ELOVL7: variants seen among roughly 807,000 people sequenced by gnomAD.
ELOVL7 encodes the protein ELOVL fatty acid elongase 7.
A neutral mutation model predicts 35.7 loss-of-function variants in ELOVL7; 27 were observed. That is an observed-to-expected ratio of 0.76 (90% CI 0.56 to 1.04). ELOVL7 has a LOEUF of 1.04. ELOVL7 is among the 50% of genes least tolerant of loss of function. The probability of loss-of-function intolerance (pLI) is 0.00; values close to 1 mark genes in which losing one functional copy is unlikely to be tolerated. For missense variants in ELOVL7, 327 were observed against 340.8 expected (o/e 0.96, Z 0.32); for synonymous variants, 113 against 114.6 (o/e 0.99, Z 0.09).
intron 1 of ELOVL7, among the ~76,000 whole-genome samples, chr5:60,841,187 A>G (rs998501680): frequency 6.6e-6 from 1 of 152,090 alleles, no homozygotes. Flanking sequence ...CAACACACCC[A>G]GCTAACTTTT....
intron 1 of ELOVL7, chr5:60,843,442 G>C (rs1335274989): frequency 6.6e-6 from 1 of 152,160 alleles, no homozygotes; most frequent in African/African-American, 2.4e-5. Context: ...AAAACAACAG[G>C]CTTTCCTGTT....
intron 3 of ELOVL7, among the ~76,000 whole-genome samples, chr5:60,775,012 C>T (rs1273234466): frequency 2.0e-5 from 3 of 152,128 alleles, no homozygotes; most frequent in South Asian, 2.1e-4. Flanking sequence ...GATCTGCCCA[C>T]GTTGGCCTCC....
rs1248509555 is a variant in ELOVL7, at chr5:60,753,168, T to C, written c.*1456A>G. On this transcript the variant is annotated 3_prime_UTR_variant, in exon 9 of 9. Coordinates refer to ENST00000508821, the MANE Select transcript of ELOVL7 (RefSeq NM_024930.3). Reference sequence around the variant, plus strand: ...GGCTTTAAGTACTAATTGTTTAAAGTCCTACAAACATAAACAGTGCTTCAA... The same window carrying C: ...GGCTTTAAGTACTAATTGTTTAAAGCCCTACAAACATAAACAGTGCTTCAA... The C allele has an allele frequency of 1.3e-5, 2 of 151,510 alleles. No homozygotes were observed. Among genetic ancestry groups the C allele is most frequent in the Non-Finnish European group, 2.9e-5 (2 of 67,868 alleles). 9.4% of individuals were successfully genotyped at this position (151,510 alleles called of 1,614,324 possible). A position where few individuals can be genotyped will look rare whatever the true frequency, so the allele number is the denominator to read the frequency against.
intron 3 of ELOVL7, among the ~76,000 whole-genome samples, chr5:60,776,051 G>A (rs1212119432): frequency 6.6e-6 from 1 of 151,972 alleles, no homozygotes; most frequent in Admixed American, 6.6e-5. Flanking sequence ...GACAACCTAT[G>A]GACTGGGAGA....
chr5:60,777,777 G>A (rs546132640), intron 3 of ELOVL7, among the ~76,000 whole-genome samples: 2 of 152,050 alleles, frequency 1.3e-5, no homozygotes, highest in South Asian at 2.1e-4. Flanking sequence ...GAAGTAGAGG[G>A]AAAACCATAA....
intron 7 of ELOVL7, among the ~76,000 whole-genome samples, chr5:60,758,457 T>G (rs989090854): frequency 2.0e-5 from 3 of 152,212 alleles, no homozygotes; most frequent in African/African-American, 7.2e-5. Context: ...GTAAAACCAC[T>G]GGCTTTCACT....
intron 2 of ELOVL7, among the ~76,000 whole-genome samples, chr5:60,788,928 A>G (rs1743762035): frequency 6.6e-6 from 1 of 152,226 alleles, no homozygotes; most frequent in African/African-American, 2.4e-5. Flanking sequence ...TGGCATCTCC[A>G]ATGATTGGGC....
At chr5:60,819,192 G>A (rs1484279929) in intron 1 of ELOVL7, among the ~76,000 whole-genome samples, 1 of 149,318 alleles carries the variant, frequency 6.7e-6, no homozygotes, top group Non-Finnish European at 1.5e-5. Context: ...CAGAAATCAG[G>A]TGTTATCTTT....
At chr5:60,832,309 A>C (rs2112388384) in intron 1 of ELOVL7, among the ~76,000 whole-genome samples, 1 of 152,304 alleles carries the variant, frequency 6.6e-6, no homozygotes, top group South Asian at 2.1e-4. Flanking sequence ...GGCAACTCCT[A>C]CTTGCTCTGT....
intron 3 of ELOVL7, among the ~76,000 whole-genome samples, chr5:60,783,404 C>A (rs60258111): frequency 5.9e-5 from 9 of 152,152 alleles, no homozygotes; most frequent in African/African-American, 2.2e-4. Flanking sequence ...CCCATGACTC[C>A]GGCCATTGTT....
chr5:60,761,071 G>GT lies in ELOVL7; in HGVS notation c.499+3155dup, dbSNP rs201661925. Among the ~76,000 whole-genome samples, 55 of 152,118 alleles carry GT rather than the reference G, an allele frequency of 3.6e-4. No homozygotes were observed. The East Asian group carries it at 8.5e-3, about 23-fold the overall frequency. On this transcript the variant is annotated intron_variant, in intron 7 of 8. Coordinates refer to ENST00000508821, the MANE Select transcript of ELOVL7 (RefSeq NM_024930.3). Reference sequence around the variant, plus strand: ...AAACAACCATATTTTAATTAATAATGTTTTTTGTATCTTCTTTGGAAGGCT... The same window carrying GT: ...AAACAACCATATTTTAATTAATAATGTTTTTTTGTATCTTCTTTGGAAGGCT...
At chr5:60,822,204 G>C (rs1427297518) in intron 1 of ELOVL7, among the ~76,000 whole-genome samples, 1 of 152,246 alleles carries the variant, frequency 6.6e-6, no homozygotes, top group Non-Finnish European at 1.5e-5. Context: ...TTGTAGGATA[G>C]TCAAATGCAC....
chr5:60,803,529 A>T (rs1451098935), intron 1 of ELOVL7, among the ~76,000 whole-genome samples: 1 of 152,218 alleles, frequency 6.6e-6, no homozygotes, highest in Non-Finnish European at 1.5e-5. Flanking sequence ...CATACTTTGC[A>T]ACACCATATA....
chr5:60,830,873 T>C (rs1397473931), intron 1 of ELOVL7, among the ~76,000 whole-genome samples: 1 of 152,118 alleles, frequency 6.6e-6, no homozygotes. Flanking sequence ...TTTTGCTTGG[T>C]AGAGAATTGA....
At chr5:60,825,601 T>C (rs948315233) in intron 1 of ELOVL7, among the ~76,000 whole-genome samples, 3 of 152,178 alleles carry the variant, frequency 2.0e-5, no homozygotes, top group Non-Finnish European at 2.9e-5. Flanking sequence ...TAACAGACAC[T>C]GAAATATTTG....
chr5:60,768,034 G>A (rs955521470), intron 4 of ELOVL7, 131 bp from the exon 5 acceptor site: 3 of 609,474 alleles, frequency 4.9e-6, no homozygotes, highest in African/African-American at 3.7e-5. Flanking sequence ...AAAGGTAGCT[G>A]GAACAAATAC....
intron 1 of ELOVL7, among the ~76,000 whole-genome samples, chr5:60,835,925 T>C (rs865838866): frequency 6.6e-6 from 1 of 152,018 alleles, no homozygotes; most frequent in Non-Finnish European, 1.5e-5. Context: ...GTTAAGCCAA[T>C]AACCCAGCAG....
At chr5:60,767,152 T>C (rs1376916688) in intron 5 of ELOVL7, among the ~76,000 whole-genome samples, 1 of 152,180 alleles carries the variant, frequency 6.6e-6, no homozygotes, top group African/African-American at 2.4e-5. Flanking sequence ...TGGAGTGCAA[T>C]GGTGCAATCT....
chr5:60,818,939 GT>G (rs1745699315), intron 1 of ELOVL7, among the ~76,000 whole-genome samples: 2 of 149,758 alleles, frequency 1.3e-5, no homozygotes, highest in Non-Finnish European at 3.0e-5. Context: ...AACCTGAGAG[GT>G]GGAGGTTGCA....
Sources: allele counts gnomAD v4.1 joint callset (sites outside exome capture counted in the v4.1 genomes callset), GRCh38; gene constraint gnomAD v4.1.1; transcripts MANE v1.5; gene names NCBI Gene and HGNC (gene_info 2026-07-23, HGNC 2026-07-21).